KLF15: variants seen among roughly 807,000 people sequenced by gnomAD.
KLF15 encodes the protein KLF transcription factor 15, also known as Krueppel-like factor 15.
In KLF15, 4 loss-of-function variants were observed where a neutral mutation model predicts 24.6. The ratio of observed to expected loss-of-function variants is 0.16; its 90% CI spans 0.08 to 0.37. The LOEUF (loss-of-function observed/expected upper bound fraction) is 0.37. KLF15 is among the 10% of genes least tolerant of loss of function. The pLI is 1.00. For missense variants in KLF15, 496 were observed against 560.6 expected, an observed-to-expected ratio of 0.88 and a Z score of 1.16; for synonymous variants, 246 against 236.3, an observed-to-expected ratio of 1.04 and a Z score of -0.37.
the KLF15 span, among the ~76,000 whole-genome samples, chr3:126,323,474 T>A: frequency 5.9e-5 from 2 of 33,732 alleles, no homozygotes; most frequent in African/African-American, 2.8e-4. Context: ...ATATATATGT[T>A]ATATATATAT....
chr3:126,350,779 G>A (rs772862172), intron 2 of KLF15, among the ~76,000 whole-genome samples: 3 of 152,192 alleles, frequency 2.0e-5, no homozygotes, highest in Admixed American at 6.5e-5. Context: ...TACACATGTG[G>A]GTGTGCACAC....
At chr3:126,290,326 G>A in the KLF15 span, among the ~76,000 whole-genome samples, 1 of 152,216 alleles carries the variant, frequency 6.6e-6, no homozygotes, top group Non-Finnish European at 1.5e-5. Context: ...AGACAGGCAA[G>A]CCCAGCTCCA....
At chr3:126,348,135 C>G (rs2082550168) in intron 2 of KLF15, among the ~76,000 whole-genome samples, 1 of 152,196 alleles carries the variant, frequency 6.6e-6, no homozygotes, top group Non-Finnish European at 1.5e-5. Flanking sequence ...GTCCCTGATT[C>G]TGGGCAGACA....
the KLF15 span, among the ~76,000 whole-genome samples, chr3:126,326,612 G>C: frequency 6.6e-6 from 1 of 152,216 alleles, no homozygotes; most frequent in African/African-American, 2.4e-5. Context: ...AGTGCAGAAA[G>C]ACAGATCGCA....
At chr3:126,354,931 T>C (rs566085075) in intron 1 of KLF15, among the ~76,000 whole-genome samples, 5 of 152,220 alleles carry the variant, frequency 3.3e-5, no homozygotes, top group African/African-American at 1.2e-4. Flanking sequence ...TCCTCAGGTG[T>C]TGTGAGAATT....
At chr3:126,348,012 C>T (rs9843577) in intron 2 of KLF15, among the ~76,000 whole-genome samples, 27,241 of 152,042 alleles carry the variant, frequency 0.18, 2,758 homozygotes, top group South Asian at 0.31. Context: ...AGCTCCCCCA[C>T]GGGGAGTAGG....
chr3:126,349,356 G>C (rs1253807963), intron 2 of KLF15, among the ~76,000 whole-genome samples: 1 of 152,182 alleles, frequency 6.6e-6, no homozygotes, highest in Non-Finnish European at 1.5e-5. Context: ...AGCAGGGACA[G>C]CTCCTGGGGG....
the KLF15 span, among the ~76,000 whole-genome samples, chr3:126,310,850 G>T: frequency 1.5e-3 from 226 of 152,216 alleles, no homozygotes; most frequent in African/African-American, 4.6e-3. Context: ...CATGAATTTT[G>T]GGGGACACAA....
chr3:126,356,576 G>C lies in KLF15; in HGVS notation c.-26+661C>G, dbSNP rs2082633760. ...AGACGCGTGAACGGTGCGGGTGTGC[G>C]TGAAGGGGTGTGAGTTCCTGTCGTG... On this transcript the variant is annotated intron_variant, in intron 1 of 2. Coordinates refer to ENST00000296233, the MANE Select transcript of KLF15 (RefSeq NM_014079.4). The surrounding 1 kb of genome is among the most constrained non-coding windows in gnomAD (Gnocchi z 4.4). 6.6e-6 allele frequency among the ~76,000 whole-genome samples: 1 copy of C among 152,130 alleles called. No homozygotes were observed. The highest frequency in any genetic ancestry group is 2.1e-4 in the South Asian group (1 of 4,832).
the KLF15 span, among the ~76,000 whole-genome samples, chr3:126,290,265 T>C: frequency 1.3e-5 from 2 of 152,128 alleles, no homozygotes; most frequent in East Asian, 1.9e-4. Context: ...GGCTAGAATC[T>C]CATAGTGGGG....
the KLF15 span, among the ~76,000 whole-genome samples, chr3:126,314,499 T>TCCCACACAGGGA: frequency 6.6e-6 from 1 of 151,570 alleles, no homozygotes; most frequent in African/African-American, 2.4e-5. Flanking sequence ...GGCTCAGGGC[T>TCCCACACAGGGA]CCCACACAGG....
the KLF15 span, among the ~76,000 whole-genome samples, chr3:126,296,368 C>G: frequency 6.6e-6 from 1 of 152,106 alleles, no homozygotes; most frequent in African/African-American, 2.4e-5. Context: ...CCACCATGCC[C>G]GGCTAATTTT....
chr3:126,339,505 T>C (rs535089492), downstream of KLF15, among the ~76,000 whole-genome samples: 5 of 152,276 alleles, frequency 3.3e-5, no homozygotes, highest in Admixed American at 3.3e-4. Flanking sequence ...GCTGCTCTCT[T>C]TGCCTCATTC....
the KLF15 span, among the ~76,000 whole-genome samples, chr3:126,297,693 T>C: frequency 6.6e-6 from 1 of 152,056 alleles, no homozygotes; most frequent in Non-Finnish European, 1.5e-5. Context: ...TGAGAACATA[T>C]GATATTTGGT....
chr3:126,331,242 C>G, the KLF15 span, among the ~76,000 whole-genome samples: 2 of 152,232 alleles, frequency 1.3e-5, no homozygotes, highest in Non-Finnish European at 1.5e-5. Context: ...GGACAGAGAC[C>G]TAGGTATAAG....
At chr3:126,346,413 A>G (rs1468027037) in intron 2 of KLF15, among the ~76,000 whole-genome samples, 1 of 152,192 alleles carries the variant, frequency 6.6e-6, no homozygotes, top group African/African-American at 2.4e-5. Flanking sequence ...ACAGAGTCTC[A>G]GGCTCCTGCC....
At chr3:126,331,335 C>T in the KLF15 span, among the ~76,000 whole-genome samples, 2 of 152,208 alleles carry the variant, frequency 1.3e-5, no homozygotes, top group Non-Finnish European at 2.9e-5. Flanking sequence ...GAAATGTGCA[C>T]AGCCTTGTAA....
chr3:126,347,110 G>A (rs1480465710), intron 2 of KLF15, among the ~76,000 whole-genome samples: 1 of 152,206 alleles, frequency 6.6e-6, no homozygotes, highest in Non-Finnish European at 1.5e-5. Context: ...CTGAGCTGTA[G>A]GGCAGAGGGT....
the KLF15 span, among the ~76,000 whole-genome samples, chr3:126,323,714 T>C: frequency 0.37 from 30,935 of 83,860 alleles, 6,422 homozygotes; most frequent in Non-Finnish European, 0.44. Context: ...CCATGTGTTC[T>C]CACTGTTCAA....
Sources: gnomAD v4.1 joint callset for allele counts (sites outside exome capture counted in the v4.1 genomes callset) on GRCh38, gnomAD v4.1.1 for gene constraint, Gnocchi (gnomAD v3.1) non-coding constraint, MANE v1.5 for transcripts, NCBI Gene and HGNC (gene_info 2026-07-23, HGNC 2026-07-21) for gene names.